The following BBS9 variants were observed in gnomAD, a reference collection of about 807,000 sequenced individuals.
BBS9 encodes Bardet-Biedl syndrome 9.
Under a neutral mutation model 117.7 loss-of-function variants are expected in BBS9, and 89 were observed. The observed-to-expected ratio is 0.76, with a 90% CI of 0.64 to 0.90. BBS9 has a LOEUF of 0.90. BBS9 is among the 40% of genes least tolerant of loss of function. The pLI, the probability that BBS9 is intolerant of heterozygous loss-of-function variation, is 0.00. For synonymous variants in BBS9, 379 were observed against 370.9 expected, an observed-to-expected ratio of 1.02 and a Z score of -0.25; for missense variants, 982 against 1,042.2, an observed-to-expected ratio of 0.94 and a Z score of 0.80.
chr7:33,195,958 T>A (rs1020140208), intron 5 of BBS9, among the ~76,000 whole-genome samples: 3 of 152,114 alleles, frequency 2.0e-5, no homozygotes, highest in African/African-American at 7.2e-5. Flanking sequence ...ATATAAAAGG[T>A]TCAGTATGTT....
rs373940274 is a variant in BBS9 at position 33,494,802 on chromosome 7, G to A, written c.2116-10661G>A. Among the ~76,000 whole-genome samples the A allele has an allele frequency of 1.9e-3, 297 of 152,312 alleles. 8 individuals carry two copies. In the South Asian group the frequency reaches 0.035, roughly 18 times the overall value. On this transcript the variant is annotated intron_variant, in intron 19 of 22. Coordinates refer to ENST00000242067, the MANE Select transcript of BBS9 (RefSeq NM_198428.3). The stretch of plus-strand genomic sequence containing the variant: ...CTGACCTGGGGGAGTTTATAGCACA[G>A]TAGAAATCATGCATAACATATCTTC...
intron 16 of BBS9, among the ~76,000 whole-genome samples, chr7:33,358,866 A>T (rs945683524): frequency 1.6e-4 from 25 of 152,042 alleles, no homozygotes; most frequent in African/African-American, 5.8e-4. Context: ...TGGTAAGTCA[A>T]CTTTTGTGTT....
chr7:33,254,875 A>T (rs1796780241), intron 5 of BBS9, among the ~76,000 whole-genome samples: 1 of 152,054 alleles, frequency 6.6e-6, no homozygotes, highest in African/African-American at 2.4e-5. Context: ...GTGATATCTC[A>T]TTGTGGTTTT....
chr7:33,344,586 G>T lies in BBS9; in HGVS notation c.1281G>T (p.Ala427=). Residue 427 remains alanine (A), a synonymous_variant, in exon 12 of 23, where the codon GCG becomes GCT. Coordinates refer to ENST00000242067, the MANE Select transcript of BBS9 (RefSeq NM_198428.3). Reference sequence around the variant, plus strand: ...TCTCAATTCTGTGTTTACAGCAAGCGACCGATGTTGAGGTGGGAACTGACC... The same window carrying T: ...TCTCAATTCTGTGTTTACAGCAAGCTACCGATGTTGAGGTGGGAACTGACC... ...VSPNFDSVSQ[A]TDVEVGTDLV... The T allele has an allele frequency of 6.2e-7, 1 of 1,613,978 alleles. No homozygotes were observed. The highest frequency in any genetic ancestry group is 1.1e-5 in the South Asian group (1 of 91,026).
intron 2 of BBS9, among the ~76,000 whole-genome samples, chr7:33,147,291 A>G (rs1464550528): frequency 6.6e-6 from 1 of 151,988 alleles, no homozygotes; most frequent in Non-Finnish European, 1.5e-5. Flanking sequence ...ACCCTCTTAA[A>G]AAGAAAACTT....
At chr7:33,615,234 A>G (rs1488588347) in intron 21 of BBS9, among the ~76,000 whole-genome samples, 1 of 152,064 alleles carries the variant, frequency 6.6e-6, no homozygotes, top group Non-Finnish European at 1.5e-5. Flanking sequence ...GGCCAAAAAT[A>G]CAGTTTGAAA....
At chr7:33,357,100 A>G (rs1819730370) in intron 15 of BBS9, among the ~76,000 whole-genome samples, 1 of 151,788 alleles carries the variant, frequency 6.6e-6, no homozygotes, top group South Asian at 2.1e-4. Context: ...ATGATTTTGA[A>G]AAGCTTTATA....
chr7:33,168,244 A>T (rs956882301), intron 4 of BBS9, among the ~76,000 whole-genome samples: 1 of 152,196 alleles, frequency 6.6e-6, no homozygotes, highest in Non-Finnish European at 1.5e-5. Context: ...TCAAATTGTC[A>T]AGGTTTTATA....
chr7:33,588,027 T>G (rs1390306080), intron 21 of BBS9, among the ~76,000 whole-genome samples: 1 of 152,114 alleles, frequency 6.6e-6, no homozygotes, highest in Non-Finnish European at 1.5e-5. Flanking sequence ...TTATACCTTC[T>G]TTTGCAGTTT....
intron 19 of BBS9, among the ~76,000 whole-genome samples, chr7:33,499,461 G>A (rs373086690): frequency 1.1e-4 from 17 of 152,226 alleles, no homozygotes; most frequent in African/African-American, 2.6e-4. Context: ...TAGGAATGTC[G>A]TTTTCTTAAC....
chr7:33,143,488 CA>C (rs975766773), intron 1 of BBS9, among the ~76,000 whole-genome samples: 2 of 151,752 alleles, frequency 1.3e-5, no homozygotes, highest in African/African-American at 4.8e-5. Context: ...ATATGCAAAT[CA>C]AAAATTTTGA....
chr7:33,397,202 A>G (rs934715495), intron 19 of BBS9, among the ~76,000 whole-genome samples: 1 of 152,242 alleles, frequency 6.6e-6, no homozygotes, highest in African/African-American at 2.4e-5. Context: ...ACACGTGGCC[A>G]GAAAATATTT....
chr7:33,554,786 T>G (rs977323587), intron 21 of BBS9, among the ~76,000 whole-genome samples: 4 of 152,070 alleles, frequency 2.6e-5, no homozygotes, highest in Non-Finnish European at 5.9e-5. Context: ...CTTTCACTTA[T>G]ATGGAGAGAG....
chr7:33,201,896 T>C (rs996242837), intron 5 of BBS9, among the ~76,000 whole-genome samples: 6 of 152,208 alleles, frequency 3.9e-5, no homozygotes, highest in Non-Finnish European at 7.4e-5. Context: ...TCTTATTTTC[T>C]GTCCTGTGTG....
In BBS9 at chr7:33,567,282, C is replaced by T. The variant is rs1044464503; in HGVS notation, c.2521+33106C>T. ...GCAGCATTCAAACTCAGCAGTCTCTCTCTTCTTTAAATGTGCATATTCCAT... is the reference window on the plus strand; with the variant it reads ...GCAGCATTCAAACTCAGCAGTCTCTTTCTTCTTTAAATGTGCATATTCCAT... On this transcript the variant is annotated intron_variant, in intron 21 of 22. Transcript: ENST00000242067. Among the ~76,000 whole-genome samples, 4 of 152,310 alleles carry T rather than the reference C, an allele frequency of 2.6e-5. 1 individual carries two copies. Among genetic ancestry groups the T allele is most frequent in the Admixed American group, 2.6e-4 (4 of 15,302 alleles).
At chr7:33,136,135 T>G (rs1033399617) in intron 1 of BBS9, among the ~76,000 whole-genome samples, 2 of 152,150 alleles carry the variant, frequency 1.3e-5, no homozygotes, top group African/African-American at 4.8e-5. Context: ...ATGTAATTAT[T>G]TTTAAAATTT....
chr7:33,349,670 A>C (rs1457105892), intron 13 of BBS9, among the ~76,000 whole-genome samples: 1 of 152,100 alleles, frequency 6.6e-6, no homozygotes, highest in Non-Finnish European at 1.5e-5. Flanking sequence ...GGCTCAAGCA[A>C]TTTGCCTATC....
intron 21 of BBS9, among the ~76,000 whole-genome samples, chr7:33,611,594 A>ATT (rs1864866274): frequency 9.4e-6 from 1 of 106,384 alleles, no homozygotes; most frequent in African/African-American, 5.8e-5. Flanking sequence ...ATTATATAAT[A>ATT]ATATTATTTA....
Position 33,336,457 on chromosome 7 carries a change from A to G in BBS9, c.1033A>G (p.Ile345Val), listed in dbSNP as rs1426530664. 4.3e-6 allele frequency: 7 copies of G among 1,613,560 alleles called. No homozygotes were observed. The highest frequency in any genetic ancestry group is 1.6e-4 in the Middle Eastern group (1 of 6,076). Residue 345 changes from isoleucine to valine, a missense_variant, in exon 10 of 23, where the codon ATA (isoleucine) becomes GTA (valine). Physicochemically the swap from Ile to Val is conservative, Grantham distance 29. Coordinates refer to ENST00000242067, the MANE Select transcript of BBS9 (RefSeq NM_198428.3). ...TTATTGTAGTGATTTAAAGGGAGTG[A>G]TAGTCACTCTGAGTGATGATGGTCA... ...VGCLHDLKGV[I>V]VTLSDDGHLQ...
Sources: gnomAD v4.1 joint callset for allele counts (sites outside exome capture counted in the v4.1 genomes callset) on GRCh38, gnomAD v4.1.1 for gene constraint, MANE v1.5 for transcripts, NCBI Gene and HGNC (gene_info 2026-07-23, HGNC 2026-07-21) for gene names.